The following CNTNAP2 variants were observed in gnomAD, a reference collection of about 807,000 sequenced individuals.
CNTNAP2 encodes the protein contactin-associated protein-like 2.
Under a neutral mutation model 155.2 loss-of-function variants are expected in CNTNAP2, and 98 were observed. That is an observed-to-expected ratio of 0.63 (90% CI 0.54 to 0.75). The LOEUF (loss-of-function observed/expected upper bound fraction) is 0.75, where lower values mean the gene tolerates loss of function less well. Among genes scored for constraint, CNTNAP2 ranks in the 30% least tolerant of loss-of-function variants. The pLI is 0.00. For synonymous variants in CNTNAP2, 651 were observed against 631.2 expected (o/e 1.03, Z -0.47); for missense variants, 1,727 against 1,688.1 (o/e 1.02, Z -0.40).
chr7:147,880,943 A>G (rs1799510252), intron 13 of CNTNAP2, among the ~76,000 whole-genome samples: 1 of 151,706 alleles, frequency 6.6e-6, no homozygotes, highest in Admixed American at 6.6e-5. Context: ...GAATCCTAAG[A>G]GAAATAAAGA....
At chr7:148,392,684 C>A (rs1211629175) in intron 22 of CNTNAP2, among the ~76,000 whole-genome samples, 3 of 152,136 alleles carry the variant, frequency 2.0e-5, no homozygotes, top group African/African-American at 2.4e-5. Flanking sequence ...CAATTCTCCA[C>A]CTCCCCCAGA....
chr7:147,030,522 T>G (rs867172658), intron 3 of CNTNAP2, among the ~76,000 whole-genome samples: 3 of 152,230 alleles, frequency 2.0e-5, no homozygotes, highest in Non-Finnish European at 4.4e-5. Flanking sequence ...ATAAGTATTT[T>G]TAATCAATTT....
chr7:146,878,657 CTG>C (rs1795478612), intron 3 of CNTNAP2, among the ~76,000 whole-genome samples: 1 of 152,126 alleles, frequency 6.6e-6, no homozygotes, highest in South Asian at 2.1e-4. Flanking sequence ...TTGACAGCGC[CTG>C]TTTCTCTGAC....
In CNTNAP2 at chr7:147,315,137, G is replaced by A. The variant is rs140840850; in HGVS notation, c.1498+14847G>A. On this transcript the variant is annotated intron_variant, in intron 9 of 23. Coordinates refer to ENST00000361727, the MANE Select transcript of CNTNAP2 (RefSeq NM_014141.6). The stretch of plus-strand genomic sequence containing the variant: ...AAAAAAAAAAAAAAAAAAGTCTTTG[G>A]CTGCCTTCTTAGTAAAATTCTGATT... Among the ~76,000 whole-genome samples, 527 of 147,674 alleles carry A rather than the reference G, an allele frequency of 3.6e-3. 3 individuals carry two copies. The highest frequency in any genetic ancestry group is 0.013 in the African/African-American group (513 of 40,784).
intron 18 of CNTNAP2, among the ~76,000 whole-genome samples, chr7:148,194,924 T>C (rs1229753126): frequency 6.6e-6 from 1 of 152,196 alleles, no homozygotes; most frequent in Non-Finnish European, 1.5e-5. Flanking sequence ...AATTATGTTT[T>C]ACCAGTTATC....
At position 146,353,043 on chromosome 7, in the gene CNTNAP2, C is replaced by T. The variant is rs991695437; in HGVS notation, c.97+236070C>T. On this transcript the variant is annotated intron_variant, in intron 1 of 23. Transcript: ENST00000361727. ...TGCTGGGATTACAGGCCTGAGCCACCGCGCCCGGCCAGGGGATGTCTTATT... is the reference window on the plus strand; with the variant it reads ...TGCTGGGATTACAGGCCTGAGCCACTGCGCCCGGCCAGGGGATGTCTTATT... Among the ~76,000 whole-genome samples the T allele has an allele frequency of 1.8e-4, 28 of 152,024 alleles. 1 individual carries two copies. The highest frequency in any genetic ancestry group is 1.2e-3 in the Admixed American group (19 of 15,266).
At chr7:147,439,966 T>C (rs1206125009) in intron 10 of CNTNAP2, among the ~76,000 whole-genome samples, 3 of 152,050 alleles carry the variant, frequency 2.0e-5, no homozygotes, top group Non-Finnish European at 4.4e-5. Context: ...TCTACATGTG[T>C]CTTTATAGGT....
intron 3 of CNTNAP2, among the ~76,000 whole-genome samples, chr7:146,965,883 C>T (rs150024724): frequency 6.6e-6 from 1 of 152,278 alleles, no homozygotes; most frequent in Non-Finnish European, 1.5e-5. Context: ...TTTTGAGAAA[C>T]CTTACGCTAG....
At chr7:147,357,121 A>T (rs1048925374) in intron 9 of CNTNAP2, among the ~76,000 whole-genome samples, 1 of 152,090 alleles carries the variant, frequency 6.6e-6, no homozygotes, top group African/African-American at 2.4e-5. Flanking sequence ...ATCTTCTCAA[A>T]CATTCTATGA....
chr7:147,584,969 A>C (rs1167061823), intron 12 of CNTNAP2, among the ~76,000 whole-genome samples: 1 of 152,018 alleles, frequency 6.6e-6, no homozygotes, highest in Non-Finnish European at 1.5e-5. Flanking sequence ...GATTGGCATG[A>C]CCCTCAGTGA....
chr7:146,474,215 TTTTTA>T (rs1228947037), intron 1 of CNTNAP2, among the ~76,000 whole-genome samples: 2 of 151,128 alleles, frequency 1.3e-5, no homozygotes, highest in Middle Eastern at 3.2e-3. Flanking sequence ...CATTTATTTT[TTTTTA>T]TTTTATTAAC....
At chr7:147,112,761 A>T (rs951704202) in intron 5 of CNTNAP2, among the ~76,000 whole-genome samples, 1 of 152,090 alleles carries the variant, frequency 6.6e-6, no homozygotes, top group Admixed American at 6.5e-5. Context: ...GTGCTGCTGG[A>T]TTCAGTTTGC....
intron 13 of CNTNAP2, among the ~76,000 whole-genome samples, chr7:147,878,665 G>A (rs1245083017): frequency 6.6e-6 from 1 of 152,032 alleles, no homozygotes; most frequent in African/African-American, 2.4e-5. Context: ...TTTCTGATGG[G>A]GAGAAAGGAT....
chr7:146,536,241 G>A (rs371261752), intron 1 of CNTNAP2, among the ~76,000 whole-genome samples: 58 of 151,966 alleles, frequency 3.8e-4, no homozygotes, highest in Non-Finnish European at 7.1e-4. Context: ...ATTCTAAGTC[G>A]TTTTTCTTTC....
At chr7:148,296,272 A>G (rs1364453910) in intron 21 of CNTNAP2, among the ~76,000 whole-genome samples, 1 of 152,040 alleles carries the variant, frequency 6.6e-6, no homozygotes, top group Non-Finnish European at 1.5e-5. Context: ...TTGGCTAGGC[A>G]TGGTAGCTCA....
At chr7:146,309,590 T>C (rs977862324) in intron 1 of CNTNAP2, among the ~76,000 whole-genome samples, 10 of 152,136 alleles carry the variant, frequency 6.6e-5, no homozygotes, top group Admixed American at 3.3e-4. Context: ...TCACCTAAGG[T>C]CAGGAGTTCG....
At chr7:147,562,106 T>C (rs1237743566) in intron 11 of CNTNAP2, 32 bp from the exon 12 acceptor site, 1 of 1,613,530 alleles carries the variant, frequency 6.2e-7, no homozygotes, top group East Asian at 2.2e-5. Context: ...TGTTCTGTGC[T>C]GTGCTTATGT....
At chr7:146,414,313 C>CA (rs1563075117) in intron 1 of CNTNAP2, among the ~76,000 whole-genome samples, 2 of 152,148 alleles carry the variant, frequency 1.3e-5, no homozygotes, top group African/African-American at 4.8e-5. Flanking sequence ...ATTACAGATA[C>CA]ATGTTTTGCT....
chr7:146,605,833 G>A (rs983793287), intron 1 of CNTNAP2, among the ~76,000 whole-genome samples: 2 of 152,046 alleles, frequency 1.3e-5, no homozygotes, highest in African/African-American at 2.4e-5. Context: ...TATCTGTCTC[G>A]AATGCTGTTG....
Sources: allele counts gnomAD v4.1 joint callset (sites outside exome capture counted in the v4.1 genomes callset), GRCh38; gene constraint gnomAD v4.1.1; transcripts MANE v1.5; gene names NCBI Gene and HGNC (gene_info 2026-07-23, HGNC 2026-07-21).